Variants in TMEM260 observed in about 807,000 individuals in gnomAD.
TMEM260 encodes the protein transmembrane protein 260, also known as protein O-mannosyl-transferase TMEM260.
In TMEM260, 82 loss-of-function variants were observed where a neutral mutation model predicts 88.9. That is an observed-to-expected ratio of 0.92 (90% CI 0.77 to 1.11). TMEM260 has a LOEUF of 1.11. TMEM260 is among the 50% of genes least tolerant of loss of function. The pLI is 0.00. For missense variants in TMEM260, 902 were observed against 853.4 expected (o/e 1.06, Z -0.71); for synonymous variants, 314 against 309.3 (o/e 1.02, Z -0.16).
chr14:56,620,064 C>G (rs1887821132), intron 10 of TMEM260, among the ~76,000 whole-genome samples: 1 of 152,130 alleles, frequency 6.6e-6, no homozygotes, highest in African/African-American at 2.4e-5. Context: ...CATCTTCTCA[C>G]TTATAAGTGG....
chr14:56,586,017 TA>T, intron 3 of TMEM260, 105 bp downstream of exon 3: 1 of 1,159,458 alleles, frequency 8.6e-7, no homozygotes, highest in Non-Finnish European at 1.2e-6. Flanking sequence ...TTGGTTTCCC[TA>T]ACACATGTGA....
chr14:56,633,268 TTATTA>T, intron 13 of TMEM260, 97 bp downstream of exon 13: 1 of 958,996 alleles, frequency 1.0e-6, no homozygotes, highest in Non-Finnish European at 1.5e-6. Context: ...ATTTTTTTTT[TTATTA>T]ATTGTTAATA....
intron 15 of TMEM260, among the ~76,000 whole-genome samples, chr14:56,646,430 A>G (rs1443544279): frequency 6.6e-6 from 1 of 152,228 alleles, no homozygotes; most frequent in Non-Finnish European, 1.5e-5. Context: ...TCTCCAAGAA[A>G]GCTGTGAGAT....
In TMEM260 at chr14:56,618,581, G is replaced by A; in HGVS notation, c.1057-13G>A. On this transcript the variant is annotated splice_polypyrimidine_tract_variant and intron_variant, in intron 9 of 15. Coordinates refer to ENST00000261556, the MANE Select transcript of TMEM260 (RefSeq NM_017799.4). ...AGTCAACTGGACCCACTGGTTGCAT[G>A]TCTCTTTCACAGGTGGAACGATTCT... is the stretch of plus-strand genomic sequence containing the variant. 6.2e-7 allele frequency: 1 copy of A among 1,612,606 alleles called. No individual in the cohort carries two copies. Among genetic ancestry groups the A allele is most frequent in the East Asian group, 2.2e-5 (1 of 44,868 alleles).
chr14:56,601,879 C>G (rs186230603), intron 3 of TMEM260, among the ~76,000 whole-genome samples: 50 of 152,216 alleles, frequency 3.3e-4, no homozygotes, highest in African/African-American at 1.2e-3. Flanking sequence ...TACTTACTTT[C>G]TGGCACAAGA....
chr14:56,611,271 A>G (rs1299635231), intron 6 of TMEM260, among the ~76,000 whole-genome samples: 1 of 152,036 alleles, frequency 6.6e-6, no homozygotes, highest in Non-Finnish European at 1.5e-5. Context: ...CAGCCTGCCA[A>G]TTATTACTTC....
Position 56,636,616 on chromosome 14 carries a change from A to G in TMEM260, c.1869+18A>G, listed in dbSNP as rs1889107089. The G allele has an allele frequency of 6.2e-7, 1 of 1,601,150 alleles. No homozygotes were observed. Among genetic ancestry groups the G allele is most frequent in the Non-Finnish European group, 8.6e-7 (1 of 1,168,234 alleles). On this transcript the variant is annotated intron_variant, in intron 15 of 15. Coordinates refer to ENST00000261556, the MANE Select transcript of TMEM260 (RefSeq NM_017799.4). ...CATATGACGTATGTTACACTTTTAT[A>G]TGTAGATATAGATATATTTGGTGGG...
intron 14 of TMEM260, 93 bp from the exon 15 acceptor site, chr14:56,636,415 C>A: frequency 1.1e-6 from 1 of 941,832 alleles, no homozygotes; most frequent in Non-Finnish European, 1.7e-6. Context: ...TTTTGTACAT[C>A]CCTTATCAGT....
intron 15 of TMEM260, among the ~76,000 whole-genome samples, chr14:56,640,941 A>G (rs1203227786): frequency 6.6e-6 from 1 of 151,286 alleles, no homozygotes; most frequent in Non-Finnish European, 1.5e-5. Context: ...AAGTTTAGAG[A>G]AAAAAGAATA....
Position 56,597,435 on chromosome 14 carries a change from C to T in TMEM260, c.345-6380C>T, listed in dbSNP as rs543640719. Among the ~76,000 whole-genome samples the T allele has an allele frequency of 4.7e-4, 71 of 152,202 alleles. 1 individual carries two copies. In the South Asian group the frequency reaches 0.012, roughly 25 times the overall value. On this transcript the variant is annotated intron_variant, in intron 3 of 15. Transcript: ENST00000261556. The stretch of plus-strand genomic sequence containing the variant: ...GAGAACCTCATTTGCAAAGAAACCC[C>T]GAAGTGGAGAAACAGCTTTTAAGTA...
At chr14:56,606,128 A>G (rs1412279335) in intron 5 of TMEM260, among the ~76,000 whole-genome samples, 5 of 152,262 alleles carry the variant, frequency 3.3e-5, no homozygotes, top group Non-Finnish European at 4.4e-5. Context: ...GAACTAAATA[A>G]TAAAATCTCT....
chr14:56,647,554 G>C lies in TMEM260; in HGVS notation c.*57G>C. Reference sequence around the variant, plus strand: ...TCAGCTTCCAAAATTCTGAAGTCTGGAAGTTTTTCCTTCAAGAAAAGAAAC... The same window carrying C: ...TCAGCTTCCAAAATTCTGAAGTCTGCAAGTTTTTCCTTCAAGAAAAGAAAC... On this transcript the variant is annotated 3_prime_UTR_variant, in exon 16 of 16. Coordinates refer to ENST00000261556, the MANE Select transcript of TMEM260 (RefSeq NM_017799.4). The C allele has an allele frequency of 3.3e-6, 5 of 1,517,182 alleles. No individual in the cohort carries two copies. Among genetic ancestry groups the C allele is most frequent in the Non-Finnish European group, 3.5e-6 (4 of 1,140,994 alleles). 94.0% of individuals were successfully genotyped at this position (1,517,182 alleles called of 1,614,324 possible). A position where few individuals can be genotyped will look rare whatever the true frequency, so the allele number is the denominator to read the frequency against.
chr14:56,596,973 T>G (rs1168895627), intron 3 of TMEM260, among the ~76,000 whole-genome samples: 1 of 151,902 alleles, frequency 6.6e-6, no homozygotes, highest in Non-Finnish European at 1.5e-5. Flanking sequence ...CCTCTGGGTC[T>G]TTTTTTAATA....
At chr14:56,616,048 T>C in intron 8 of TMEM260, 21 bp downstream of exon 8, 1 of 1,532,426 alleles carries the variant, frequency 6.5e-7, no homozygotes, top group South Asian at 1.1e-5. Flanking sequence ...CAATTCCTTT[T>C]TCTGTTATTT....
downstream of TMEM260, chr14:56,650,257 C>T (rs1470965028): frequency 1.5e-5 from 5 of 342,388 alleles, no homozygotes; most frequent in Non-Finnish European, 1.7e-5. Flanking sequence ...GGACTTCGGC[C>T]TGAAGAGCCA....
At chr14:56,596,294 G>A (rs1463135423) in intron 3 of TMEM260, among the ~76,000 whole-genome samples, 1 of 151,216 alleles carries the variant, frequency 6.6e-6, no homozygotes, top group East Asian at 1.9e-4. Context: ...AATAAAGTAT[G>A]TCTTAAATAA....
chr14:56,657,469 T>A, the TMEM260 span, among the ~76,000 whole-genome samples: 1 of 151,786 alleles, frequency 6.6e-6, no homozygotes, highest in South Asian at 2.1e-4. Context: ...CTACATTTAA[T>A]AAACATTTTT....
chr14:56,582,366 A>T (rs916770804), intron 1 of TMEM260, among the ~76,000 whole-genome samples: 1 of 152,196 alleles, frequency 6.6e-6, no homozygotes, highest in African/African-American at 2.4e-5. Context: ...GGGAGGGGGT[A>T]GGAATCTGGC....
rs1274743440 is a variant in TMEM260, at chr14:56,625,230, A to G, written c.1399-152A>G. 3 of 668,488 alleles carry G rather than the reference A, an allele frequency of 4.5e-6. No homozygotes were observed. In the Admixed American group the frequency reaches 9.9e-5, roughly 22 times the overall value. 41.4% of individuals were successfully genotyped at this position (668,488 alleles called of 1,614,324 possible). A position where few individuals can be genotyped will look rare whatever the true frequency, so the allele number is the denominator to read the frequency against. ...AGTTTACATCACTAAAAAAGTAATC[A>G]GTACCACATTCTCAGTTGTGCTTAT... On this transcript the variant is annotated intron_variant, in intron 11 of 15. Coordinates refer to ENST00000261556, the MANE Select transcript of TMEM260 (RefSeq NM_017799.4).
Sources: gnomAD v4.1 joint callset for allele counts (sites outside exome capture counted in the v4.1 genomes callset) on GRCh38, gnomAD v4.1.1 for gene constraint, MANE v1.5 for transcripts, NCBI Gene and HGNC (gene_info 2026-07-23, HGNC 2026-07-21) for gene names.